Variants in PLCXD3 observed in about 807,000 individuals in gnomAD.
PLCXD3 encodes phosphatidylinositol specific phospholipase C X domain containing 3.
PLCXD3 carries 19 observed loss-of-function variants against 25.5 expected under a neutral mutation model. The observed-to-expected ratio is 0.75, with a 90% CI of 0.52 to 1.09. PLCXD3 has a LOEUF of 1.09. Among genes scored for constraint, PLCXD3 ranks in the 50% least tolerant of loss-of-function variants. The pLI is 0.00. For missense variants in PLCXD3, 411 were observed against 388.1 expected (o/e 1.06, Z -0.50); for synonymous variants, 174 against 137.6 (o/e 1.26, Z -1.85).
chr5:41,500,649 A>G (rs962845928), intron 1 of PLCXD3, among the ~76,000 whole-genome samples: 4 of 151,822 alleles, frequency 2.6e-5, no homozygotes, highest in Middle Eastern at 3.2e-3. Context: ...GGAAAGCTTT[A>G]TGAAGTTGGG....
At chr5:41,314,210 G>A (rs1743223420) in intron 2 of PLCXD3, among the ~76,000 whole-genome samples, 1 of 152,186 alleles carries the variant, frequency 6.6e-6, no homozygotes, top group Non-Finnish European at 1.5e-5. Context: ...AGACATAATA[G>A]TAAAATCCCC....
intron 1 of PLCXD3, among the ~76,000 whole-genome samples, chr5:41,509,663 C>T (rs1738987634): frequency 6.6e-6 from 1 of 152,230 alleles, no homozygotes; most frequent in African/African-American, 2.4e-5. Flanking sequence ...ACGCAGGTTC[C>T]CCTGCCCAGC....
intron 1 of PLCXD3, among the ~76,000 whole-genome samples, chr5:41,431,975 A>T (rs1035707609): frequency 3.3e-5 from 5 of 152,156 alleles, no homozygotes; most frequent in African/African-American, 4.8e-5. Context: ...ACCTTGAGCA[A>T]GAGGACCACG....
intron 1 of PLCXD3, among the ~76,000 whole-genome samples, chr5:41,404,122 T>C (rs75767229): frequency 0.11 from 16,527 of 152,146 alleles, 1,076 homozygotes; most frequent in Admixed American, 0.17. Context: ...TGGAGTGCAC[T>C]GAAAGCATCA....
rs1413997961 is a variant in PLCXD3 at position 41,417,592 on chromosome 5, C to A, written c.104-35058G>T. Among the ~76,000 whole-genome samples the A allele has an allele frequency of 3.9e-5, 6 of 152,340 alleles. No homozygotes were observed. In the East Asian group the frequency reaches 1.2e-3, roughly 29 times the overall value. ...AAATCTCAAGGGAGGAAAGAAAATC[C>A]TGGAACAGAATAACACATTGATATT... is the stretch of plus-strand genomic sequence containing the variant. On this transcript the variant is annotated intron_variant, in intron 1 of 2. Transcript: ENST00000377801.
At chr5:41,410,600 A>G (rs534980353) in intron 1 of PLCXD3, among the ~76,000 whole-genome samples, 3 of 152,246 alleles carry the variant, frequency 2.0e-5, no homozygotes, top group Admixed American at 2.0e-4. Flanking sequence ...CAGGCTCAGC[A>G]CTGACAGCTG....
At chr5:41,492,333 G>A (rs1355365336) in intron 1 of PLCXD3, among the ~76,000 whole-genome samples, 2 of 151,618 alleles carry the variant, frequency 1.3e-5, no homozygotes, top group East Asian at 3.9e-4. Flanking sequence ...TCCCTTTGTG[G>A]GTAACCCGAC....
At chr5:41,320,690 T>A (rs911901163) in intron 2 of PLCXD3, among the ~76,000 whole-genome samples, 1 of 151,778 alleles carries the variant, frequency 6.6e-6, no homozygotes, top group African/African-American at 2.4e-5. Context: ...TAGAGACAGG[T>A]TTTCACTGTG....
chr5:41,457,463 C>T (rs1747778307), intron 1 of PLCXD3, among the ~76,000 whole-genome samples: 1 of 151,850 alleles, frequency 6.6e-6, no homozygotes, highest in Non-Finnish European at 1.5e-5. Context: ...TCCAAATCTC[C>T]TCTCAGATGA....
At chr5:41,470,439 T>A (rs1412131175) in intron 1 of PLCXD3, among the ~76,000 whole-genome samples, 1 of 151,976 alleles carries the variant, frequency 6.6e-6, no homozygotes, top group Non-Finnish European at 1.5e-5. Flanking sequence ...GGAGACAAGG[T>A]GGAAATTAGT....
intron 1 of PLCXD3, among the ~76,000 whole-genome samples, chr5:41,416,378 A>C (rs2150504843): frequency 6.6e-6 from 1 of 152,340 alleles, no homozygotes; most frequent in South Asian, 2.1e-4. Context: ...AATTGAGCTA[A>C]GTTTAACTGA....
rs1260074871 is a variant in PLCXD3 at position 41,510,598 on chromosome 5, C to T, written c.-72G>A. Reference sequence around the variant, plus strand: ...GGCTGGCAGGCTGCTGCCGCTAATCCAATGTTTGCTCTAGCCCCGCTAGAG... The same window carrying T: ...GGCTGGCAGGCTGCTGCCGCTAATCTAATGTTTGCTCTAGCCCCGCTAGAG... On this transcript the variant is annotated 5_prime_UTR_variant, in exon 1 of 3. Coordinates refer to ENST00000377801, the MANE Select transcript of PLCXD3 (RefSeq NM_001005473.3). 8.2e-7 allele frequency: 1 copy of T among 1,221,426 alleles called. No homozygotes were observed. The highest frequency in any genetic ancestry group is 1.9e-5 in the Admixed American group (1 of 52,852). 75.7% of individuals were successfully genotyped at this position (1,221,426 alleles called of 1,614,324 possible).
At chr5:41,372,827 T>C (rs1386388357) in intron 2 of PLCXD3, among the ~76,000 whole-genome samples, 2 of 152,080 alleles carry the variant, frequency 1.3e-5, no homozygotes, top group Non-Finnish European at 2.9e-5. Context: ...GAGGATCACT[T>C]GAGGTCAGAA....
chr5:41,504,618 C>T (rs908868422), intron 1 of PLCXD3, among the ~76,000 whole-genome samples: 2 of 152,138 alleles, frequency 1.3e-5, no homozygotes, highest in Non-Finnish European at 2.9e-5. Context: ...TCTGCAGACA[C>T]AGAATAAGCT....
intron 2 of PLCXD3, among the ~76,000 whole-genome samples, chr5:41,316,711 T>C (rs1178507213): frequency 6.6e-6 from 1 of 152,138 alleles, no homozygotes; most frequent in Non-Finnish European, 1.5e-5. Context: ...ACATCAGTGG[T>C]AGTCTGGAAG....
intron 1 of PLCXD3, among the ~76,000 whole-genome samples, chr5:41,450,250 C>T (rs1747598693): frequency 6.6e-6 from 1 of 152,086 alleles, no homozygotes; most frequent in South Asian, 2.1e-4. Flanking sequence ...TGCTGATTTT[C>T]TTGCAAGTCT....
At position 41,313,725 on chromosome 5, in the gene PLCXD3, T is replaced by C. The variant is rs1743209379; in HGVS notation, c.858A>G (p.Gly286=). 1 of 1,613,134 alleles carries C rather than the reference T, an allele frequency of 6.2e-7. No individual in the cohort carries two copies. The highest frequency in any genetic ancestry group is 8.5e-7 in the Non-Finnish European group (1 of 1,179,552). Residue 286 remains glycine, a synonymous_variant, in exon 3 of 3, where the codon GGA becomes GGG. Coordinates refer to ENST00000377801, the MANE Select transcript of PLCXD3 (RefSeq NM_001005473.3). ...CAGTGACAATATTGATGCCACTCTC[T>C]CCTGGCTTCTGCGTGCGGACCCACT... ...MMQWVRTQKP[G]ESGINIVTAD...
chr5:41,363,756 G>A (rs1227540026), intron 2 of PLCXD3, among the ~76,000 whole-genome samples: 1 of 152,182 alleles, frequency 6.6e-6, no homozygotes, highest in Non-Finnish European at 1.5e-5. Context: ...ATCCTGAAAG[G>A]AGAAGGACTT....
At chr5:41,361,024 G>T (rs550486087) in intron 2 of PLCXD3, among the ~76,000 whole-genome samples, 1 of 152,126 alleles carries the variant, frequency 6.6e-6, no homozygotes, top group Non-Finnish European at 1.5e-5. Flanking sequence ...ACTACCAAGT[G>T]GGGGCAGGGA....
Sources: allele counts gnomAD v4.1 joint callset (sites outside exome capture counted in the v4.1 genomes callset), GRCh38; gene constraint gnomAD v4.1.1; transcripts MANE v1.5; gene names NCBI Gene and HGNC (gene_info 2026-07-23, HGNC 2026-07-21).